ATP8A2: variants seen among roughly 807,000 people sequenced by gnomAD.
The protein encoded by ATP8A2 is phospholipid-transporting ATPase IB.
Under a neutral mutation model 165.6 loss-of-function variants are expected in ATP8A2, and 100 were observed. That is an observed-to-expected ratio of 0.60 (90% CI 0.51 to 0.71). The LOEUF is 0.71. ATP8A2 is among the 30% of genes least tolerant of loss of function. The pLI is 0.00. For missense variants in ATP8A2, 1,227 were observed against 1,479.5 expected, an observed-to-expected ratio of 0.83 and a Z score of 2.80; for synonymous variants, 543 against 548.8, an observed-to-expected ratio of 0.99 and a Z score of 0.15.
intron 24 of ATP8A2, among the ~76,000 whole-genome samples, chr13:25,648,125 C>T (rs1488793014): frequency 6.6e-6 from 1 of 151,582 alleles, no homozygotes; most frequent in Non-Finnish European, 1.5e-5. Context: ...CTTTTTATTT[C>T]TCTAATTGGA....
chr13:25,862,748 G>T (rs528769127), intron 33 of ATP8A2, among the ~76,000 whole-genome samples: 1 of 152,228 alleles, frequency 6.6e-6, no homozygotes, highest in South Asian at 2.1e-4. Flanking sequence ...TATTTTGAAT[G>T]GTTCCTAATC....
chr13:25,874,184 G>A (rs1185468624), intron 33 of ATP8A2, among the ~76,000 whole-genome samples: 1 of 152,118 alleles, frequency 6.6e-6, no homozygotes, highest in African/African-American at 2.4e-5. Context: ...CTGAGGCCCT[G>A]CGAGGCTTAC....
intron 2 of ATP8A2, among the ~76,000 whole-genome samples, chr13:25,502,986 A>C (rs1328587381): frequency 6.6e-6 from 1 of 152,142 alleles, no homozygotes; most frequent in Admixed American, 6.5e-5. Context: ...GACTTGACCA[A>C]ACTTTTGGGC....
intron 34 of ATP8A2, among the ~76,000 whole-genome samples, chr13:25,966,957 C>T (rs931376443): frequency 6.6e-6 from 1 of 152,102 alleles, no homozygotes; most frequent in South Asian, 2.1e-4. Flanking sequence ...CCTGGAAGAA[C>T]CAGCGATGCT....
chr13:25,665,469 T>G lies in ATP8A2; in HGVS notation c.2212-33704T>G, dbSNP rs183216621. Among the ~76,000 whole-genome samples the G allele has an allele frequency of 2.4e-3, 365 of 152,062 alleles. 2 individuals are homozygous for G. The highest frequency in any genetic ancestry group is 4.4e-3 in the Non-Finnish European group (298 of 67,984). ...AAGAACATGTAGATCAGAATTTGGA[T>G]GACTTTTTTTTCCTCAGGTGCAGAG... is the stretch of plus-strand genomic sequence containing the variant. On this transcript the variant is annotated intron_variant, in intron 24 of 36. Transcript: ENST00000381655.
At position 25,699,245 on chromosome 13, in the gene ATP8A2, C is replaced by T; in HGVS notation, c.2284C>T (p.Leu762=). The change falls in exon 25 of 37, where the codon CTG becomes TTG. Residue 762 remains leucine, a synonymous_variant. Coordinates refer to ENST00000381655, the MANE Select transcript of ATP8A2 (RefSeq NM_016529.6). The part of the protein sequence containing the change: ...NLLGKENDVA[L]IIDGHTLKYA... ...GCTGGGCAAGGAAAATGACGTGGCCCTGATCATCGATGGCCACACCCTGAA... is the reference window on the plus strand; with the variant it reads ...GCTGGGCAAGGAAAATGACGTGGCCTTGATCATCGATGGCCACACCCTGAA... 1 of 1,612,884 alleles carries T rather than the reference C, an allele frequency of 6.2e-7. No individual in the cohort carries two copies. The highest frequency in any genetic ancestry group is 8.5e-7 in the Non-Finnish European group (1 of 1,179,008).
chr13:25,417,209 T>A (rs2034156825), intron 1 of ATP8A2, among the ~76,000 whole-genome samples: 1 of 152,208 alleles, frequency 6.6e-6, no homozygotes, highest in Admixed American at 6.5e-5. Context: ...TGTGGTTTAG[T>A]TTCCCCCAGT....
At chr13:25,621,457 C>G (rs749693812) in intron 24 of ATP8A2, among the ~76,000 whole-genome samples, 3 of 152,122 alleles carry the variant, frequency 2.0e-5, no homozygotes, top group Non-Finnish European at 2.9e-5. Context: ...TTTTTATGAG[C>G]CAAATATTCT....
chr13:25,774,802 T>C (rs929517395), intron 26 of ATP8A2, 47 bp from the exon 27 acceptor site: 3 of 1,106,652 alleles, frequency 2.7e-6, no homozygotes, highest in Non-Finnish European at 4.1e-6. Flanking sequence ...GTGACTTTTA[T>C]TCCTCAATGA....
chr13:25,460,366 T>C (rs1477114839), intron 1 of ATP8A2, among the ~76,000 whole-genome samples: 1 of 152,152 alleles, frequency 6.6e-6, no homozygotes, highest in African/African-American at 2.4e-5. Flanking sequence ...CTTGGGCCAG[T>C]GTTGGGGTCC....
chr13:25,575,310 G>T (rs896572645), intron 19 of ATP8A2, among the ~76,000 whole-genome samples: 2 of 152,210 alleles, frequency 1.3e-5, no homozygotes, highest in African/African-American at 4.8e-5. Flanking sequence ...CTGGGTCCAC[G>T]TAGGGAAGTT....
chr13:25,860,557 A>G (rs913247908), intron 31 of ATP8A2, among the ~76,000 whole-genome samples: 5 of 152,206 alleles, frequency 3.3e-5, no homozygotes, highest in Admixed American at 2.0e-4. Context: ...TCCCAAGCTA[A>G]GAAAAGGGCA....
Position 25,501,080 on chromosome 13 carries a change from G to C in ATP8A2, c.222-28919G>C, listed in dbSNP as rs900120034. ...TACTCGATGATGTGATACTATTTTAGAAGTATGGTTGGGCAGAAAGGGGGA... is the reference window on the plus strand; with the variant it reads ...TACTCGATGATGTGATACTATTTTACAAGTATGGTTGGGCAGAAAGGGGGA... On this transcript the variant is annotated intron_variant, in intron 2 of 36. Coordinates refer to ENST00000381655, the MANE Select transcript of ATP8A2 (RefSeq NM_016529.6). 2.0e-5 allele frequency among the ~76,000 whole-genome samples: 3 copies of C among 152,134 alleles called. No homozygotes were observed. In the South Asian group the frequency reaches 6.2e-4, roughly 31 times the overall value.
intron 35 of ATP8A2, among the ~76,000 whole-genome samples, chr13:25,982,335 C>T (rs1333043072): frequency 1.3e-5 from 2 of 152,136 alleles, no homozygotes; most frequent in African/African-American, 4.8e-5. Context: ...TTGCATGTTC[C>T]CAATTTATGC....
chr13:25,559,109 A>C, intron 14 of ATP8A2, 48 bp downstream of exon 14: 3 of 1,312,172 alleles, frequency 2.3e-6, no homozygotes, highest in Non-Finnish European at 3.2e-6. Flanking sequence ...TTCTTTCAAG[A>C]AAATAAGTTT....
chr13:25,763,078 A>C (rs763667039), intron 25 of ATP8A2, among the ~76,000 whole-genome samples: 6 of 152,216 alleles, frequency 3.9e-5, no homozygotes, highest in Non-Finnish European at 4.4e-5. Context: ...CTCTAGAGGA[A>C]ATACTGGCAT....
At chr13:25,737,740 T>G (rs965436108) in intron 25 of ATP8A2, among the ~76,000 whole-genome samples, 2 of 152,248 alleles carry the variant, frequency 1.3e-5, no homozygotes, top group South Asian at 4.1e-4. Flanking sequence ...TGGAGTGCAG[T>G]AGCGCGATCT....
At chr13:25,894,359 T>C (rs1260020368) in intron 33 of ATP8A2, among the ~76,000 whole-genome samples, 1 of 152,242 alleles carries the variant, frequency 6.6e-6, no homozygotes, top group Non-Finnish European at 1.5e-5. Context: ...TGCAGCATTA[T>C]TTCTGAGGGC....
intron 24 of ATP8A2, among the ~76,000 whole-genome samples, chr13:25,698,681 A>G (rs2042886644): frequency 6.6e-6 from 1 of 152,206 alleles, no homozygotes; most frequent in African/African-American, 2.4e-5. Context: ...AACATGGGAA[A>G]AATGATCAGC....
Sources: gnomAD v4.1 joint callset for allele counts (sites outside exome capture counted in the v4.1 genomes callset) on GRCh38, gnomAD v4.1.1 for gene constraint, MANE v1.5 for transcripts, NCBI Gene and HGNC (gene_info 2026-07-23, HGNC 2026-07-21) for gene names.